FLACC1: variants seen among roughly 807,000 people sequenced by gnomAD.
The protein encoded by FLACC1 is flagellum associated containing coiled-coil domains 1, also known as flagellum-associated coiled-coil domain-containing protein 1.
In FLACC1, 66 loss-of-function variants were observed where a neutral mutation model predicts 62.8. The observed-to-expected ratio is 1.05, with a 90% CI of 0.86 to 1.29. The LOEUF (loss-of-function observed/expected upper bound fraction) is 1.29, where lower values mean the gene tolerates loss of function less well. Among genes scored for constraint, FLACC1 ranks in the 50% most tolerant of loss-of-function variants. The pLI, the probability that FLACC1 is intolerant of heterozygous loss-of-function variation, is 0.00. For missense variants in FLACC1, 452 were observed against 489.1 expected (o/e 0.92, Z 0.71); for synonymous variants, 156 against 161.0 (o/e 0.97, Z 0.24).
chr2:201,343,001 G>T (rs370277601), intron 6 of FLACC1, among the ~76,000 whole-genome samples: 1 of 152,142 alleles, frequency 6.6e-6, no homozygotes, highest in Non-Finnish European at 1.5e-5. Context: ...CAAATCAGTC[G>T]GTGACCACTG....
At chr2:201,290,340 C>T (rs921220745) in intron 12 of FLACC1, among the ~76,000 whole-genome samples, 3 of 151,948 alleles carry the variant, frequency 2.0e-5, no homozygotes, top group Non-Finnish European at 2.9e-5. Flanking sequence ...ATGTGCCATC[C>T]CAATGCAAGA....
intron 9 of FLACC1, among the ~76,000 whole-genome samples, chr2:201,325,248 C>T (rs1388002647): frequency 6.6e-6 from 1 of 151,984 alleles, no homozygotes; most frequent in Non-Finnish European, 1.5e-5. Context: ...CAATGTCACA[C>T]TGCAAGGAAC....
chr2:201,348,110 T>C (rs1950954018), intron 4 of FLACC1, 144 bp downstream of exon 4: 1 of 726,034 alleles, frequency 1.4e-6, no homozygotes, highest in African/African-American at 1.8e-5. Flanking sequence ...CTGCCGTGCA[T>C]AATGTGCAAT....
At chr2:201,308,804 T>C (rs952996056) in intron 10 of FLACC1, among the ~76,000 whole-genome samples, 1 of 152,230 alleles carries the variant, frequency 6.6e-6, no homozygotes, top group African/African-American at 2.4e-5. Context: ...ACATTCTAAC[T>C]AAAGAACTCT....
At chr2:201,335,063 C>G (rs969313785) in intron 7 of FLACC1, among the ~76,000 whole-genome samples, 1 of 151,902 alleles carries the variant, frequency 6.6e-6, no homozygotes, top group Admixed American at 6.6e-5. Context: ...CTAGATTATC[C>G]AATTCATTGC....
Position 201,326,721 on chromosome 2 carries a change from G to A in FLACC1, c.675+3749C>T, listed in dbSNP as rs570207298. Among the ~76,000 whole-genome samples, 2 of 152,204 alleles carry A rather than the reference G, an allele frequency of 1.3e-5. No homozygotes were observed. The highest frequency in any genetic ancestry group is 6.5e-5 in the Admixed American group (1 of 15,280). On this transcript the variant is annotated intron_variant, in intron 9 of 14. Transcript: ENST00000392257. This position sits in a 1 kb window ranked among gnomAD's most constrained non-coding sequence, Gnocchi z 4.1. ...ATGCTCATGGATTGGAAGAATCAACGTTGTGAAAATGACCATACTGCCCAA... is the reference window on the plus strand; with the variant it reads ...ATGCTCATGGATTGGAAGAATCAACATTGTGAAAATGACCATACTGCCCAA...
intron 6 of FLACC1, among the ~76,000 whole-genome samples, chr2:201,343,763 G>A (rs1950856410): frequency 6.6e-6 from 1 of 152,230 alleles, no homozygotes; most frequent in Non-Finnish European, 1.5e-5. Context: ...TGATGTGTGG[G>A]CAGCTTTAAC....
At chr2:201,336,527 A>G (rs1950699382) in intron 7 of FLACC1, among the ~76,000 whole-genome samples, 1 of 152,180 alleles carries the variant, frequency 6.6e-6, no homozygotes, top group South Asian at 2.1e-4. Flanking sequence ...CAATACACCC[A>G]ATAATGGGAT....
chr2:201,308,612 G>C (rs1352551123), intron 10 of FLACC1, among the ~76,000 whole-genome samples: 1 of 152,070 alleles, frequency 6.6e-6, no homozygotes, highest in Non-Finnish European at 1.5e-5. Flanking sequence ...AAGTCCAATG[G>C]GGGTGGGAGG....
chr2:201,290,672 GACAGTGGGTGCAGT>G (rs1477377434), intron 12 of FLACC1, among the ~76,000 whole-genome samples: 1 of 152,156 alleles, frequency 6.6e-6, no homozygotes, highest in Non-Finnish European at 1.5e-5. Flanking sequence ...GGGATTGTCA[GACAGTGGGTGCAGT>G]ACAGTGGGTG....
chr2:201,348,165 G>T (rs1950955040), intron 4 of FLACC1, 89 bp downstream of exon 4: 7 of 1,292,428 alleles, frequency 5.4e-6, no homozygotes, highest in African/African-American at 1.5e-5. Flanking sequence ...ATTCGACAAG[G>T]TAAGTATAAA....
At chr2:201,291,896 C>T (rs539996915) in intron 12 of FLACC1, among the ~76,000 whole-genome samples, 6 of 151,988 alleles carry the variant, frequency 3.9e-5, no homozygotes, top group East Asian at 3.9e-4. Context: ...CCTCAGTAGC[C>T]GATTCGATCA....
chr2:201,296,385 C>T (rs572387773), intron 12 of FLACC1, among the ~76,000 whole-genome samples: 47 of 151,892 alleles, frequency 3.1e-4, no homozygotes, highest in Non-Finnish European at 6.2e-4. Flanking sequence ...AGCTGGAAAC[C>T]ATCATTCTGA....
intron 9 of FLACC1, among the ~76,000 whole-genome samples, chr2:201,316,799 T>C (rs958150737): frequency 4.6e-5 from 7 of 151,790 alleles, no homozygotes; most frequent in African/African-American, 1.7e-4. Context: ...GATGCAAAAA[T>C]CCTTAACAAA....
chr2:201,292,473 T>A, intron 12 of FLACC1, among the ~76,000 whole-genome samples: 1 of 152,118 alleles, frequency 6.6e-6, no homozygotes, highest in East Asian at 1.9e-4. Flanking sequence ...GACAAGCAAA[T>A]GCTGAGAGAT....
intron 9 of FLACC1, among the ~76,000 whole-genome samples, chr2:201,325,705 C>T (rs1950488685): frequency 6.6e-6 from 1 of 152,052 alleles, no homozygotes; most frequent in Admixed American, 6.6e-5. Context: ...CAAAAAAAGC[C>T]CAGGACTAGA....
At chr2:201,330,111 T>A (rs1950562597) in intron 9 of FLACC1, among the ~76,000 whole-genome samples, 1 of 152,220 alleles carries the variant, frequency 6.6e-6, no homozygotes, top group South Asian at 2.1e-4. Context: ...AATATATAGA[T>A]GTTATACAAT....
intron 7 of FLACC1, among the ~76,000 whole-genome samples, chr2:201,334,801 T>TA (rs1167450811): frequency 1.5e-4 from 21 of 143,940 alleles, no homozygotes; most frequent in East Asian, 4.1e-4. Flanking sequence ...AAAAAAAAGC[T>TA]AAAAAAAAAA....
At chr2:201,336,473 A>G (rs1193195795) in intron 7 of FLACC1, among the ~76,000 whole-genome samples, 1 of 152,172 alleles carries the variant, frequency 6.6e-6, no homozygotes. Flanking sequence ...GAACAAACGT[A>G]TGCATGTGTC....
Sources: gnomAD v4.1 joint callset for allele counts (sites outside exome capture counted in the v4.1 genomes callset) on GRCh38, gnomAD v4.1.1 for gene constraint, Gnocchi (gnomAD v3.1) non-coding constraint, MANE v1.5 for transcripts, NCBI Gene and HGNC (gene_info 2026-07-23, HGNC 2026-07-21) for gene names.